Variants in KIF26B observed in about 807,000 individuals in gnomAD.
The protein encoded by KIF26B is kinesin family member 26B, also known as kinesin-like protein KIF26B.
Under a neutral mutation model 151.2 loss-of-function variants are expected in KIF26B, and 63 were observed. The ratio of observed to expected loss-of-function variants is 0.42; its 90% CI spans 0.34 to 0.51. The LOEUF (loss-of-function observed/expected upper bound fraction) is 0.51, where lower values mean the gene tolerates loss of function less well. Ranked by LOEUF, KIF26B falls within the 20% of genes least tolerant of loss-of-function variation. KIF26B has a pLI of 0.07. For missense variants in KIF26B, 2,813 were observed against 2,913.6 expected, an observed-to-expected ratio of 0.97 and a Z score of 0.79; for synonymous variants, 1,357 against 1,262.1, an observed-to-expected ratio of 1.08 and a Z score of -1.59.
chr1:245,507,843 C>T (rs573674893), intron 4 of KIF26B, among the ~76,000 whole-genome samples: 1 of 152,222 alleles, frequency 6.6e-6, no homozygotes, highest in African/African-American at 2.4e-5. Context: ...TTGACAACAA[C>T]CTTTGGTCCT....
intron 4 of KIF26B, among the ~76,000 whole-genome samples, chr1:245,464,582 C>T (rs1228709350): frequency 8.4e-6 from 1 of 118,546 alleles, no homozygotes; most frequent in African/African-American, 3.4e-5. Flanking sequence ...GGTGTGTGTG[C>T]ACGTGTGTGG....
chr1:245,172,920 G>A (rs565092710), intron 2 of KIF26B, among the ~76,000 whole-genome samples: 234 of 152,318 alleles, frequency 1.5e-3, no homozygotes, highest in African/African-American at 5.3e-3. Context: ...TGATGATACC[G>A]TGTAATACAT....
chr1:245,430,885 G>T (rs1427434006), intron 4 of KIF26B, among the ~76,000 whole-genome samples: 2 of 152,166 alleles, frequency 1.3e-5, no homozygotes, highest in Non-Finnish European at 2.9e-5. Context: ...TCCGAGCCAG[G>T]TGTCTGATTC....
intron 2 of KIF26B, among the ~76,000 whole-genome samples, chr1:245,282,194 C>T (rs952809920): frequency 7.2e-5 from 11 of 151,992 alleles, no homozygotes; most frequent in African/African-American, 2.7e-4. Flanking sequence ...GATTCAATGC[C>T]ATCCCCATGA....
chr1:245,696,833 G>C (rs761252551), intron 12 of KIF26B, among the ~76,000 whole-genome samples: 6 of 152,164 alleles, frequency 3.9e-5, no homozygotes, highest in Non-Finnish European at 8.8e-5. Context: ...GTTTTGGCCG[G>C]GCACAGTGGC....
chr1:245,383,069 A>G (rs1410505459), intron 3 of KIF26B, among the ~76,000 whole-genome samples: 1 of 151,098 alleles, frequency 6.6e-6, no homozygotes, highest in African/African-American at 2.4e-5. Flanking sequence ...AGAGAGAGAG[A>G]GAGGCAAACT....
chr1:245,457,658 T>C (rs1659565265), intron 4 of KIF26B, among the ~76,000 whole-genome samples: 2 of 152,362 alleles, frequency 1.3e-5, no homozygotes, highest in East Asian at 3.9e-4. Context: ...TGTGCTTTCA[T>C]GCTTTGATGA....
intron 9 of KIF26B, among the ~76,000 whole-genome samples, chr1:245,639,500 C>G (rs185164805): frequency 3.3e-5 from 5 of 151,306 alleles, no homozygotes; most frequent in Admixed American, 3.3e-4. Flanking sequence ...CATTTTTTTC[C>G]TACTAATTTT....
chr1:245,475,857 A>G (rs374141960), intron 4 of KIF26B, among the ~76,000 whole-genome samples: 3 of 151,890 alleles, frequency 2.0e-5, no homozygotes, highest in East Asian at 1.9e-4. Flanking sequence ...GCTGTTCCTC[A>G]AAAGCTTAAA....
intron 4 of KIF26B, among the ~76,000 whole-genome samples, chr1:245,504,660 C>T (rs371825424): frequency 1.3e-5 from 2 of 151,726 alleles, no homozygotes; most frequent in Admixed American, 1.3e-4. Context: ...AGGCTGGTCT[C>T]GAACTCCTTG....
chr1:245,266,814 AT>A (rs1411552447), intron 2 of KIF26B, among the ~76,000 whole-genome samples: 1 of 151,838 alleles, frequency 6.6e-6, no homozygotes, highest in Non-Finnish European at 1.5e-5. Flanking sequence ...CTGTTTTACC[AT>A]TTTCTAATTG....
At chr1:245,325,665 C>T (rs980625532) in intron 2 of KIF26B, among the ~76,000 whole-genome samples, 17 of 151,604 alleles carry the variant, frequency 1.1e-4, no homozygotes, top group African/African-American at 3.9e-4. Flanking sequence ...GAGCCAAGAT[C>T]GCATCGTTGC....
chr1:245,652,541 G>A (rs548383066), intron 10 of KIF26B, among the ~76,000 whole-genome samples: 4 of 152,150 alleles, frequency 2.6e-5, no homozygotes, highest in Non-Finnish European at 4.4e-5. Flanking sequence ...TAGAAATCTC[G>A]AGAGATTGTT....
At chr1:245,432,248 A>G (rs1430464555) in intron 4 of KIF26B, among the ~76,000 whole-genome samples, 1 of 152,096 alleles carries the variant, frequency 6.6e-6, no homozygotes, top group Non-Finnish European at 1.5e-5. Flanking sequence ...AAGTTTGCGA[A>G]TTTTCCCACT....
intron 2 of KIF26B, among the ~76,000 whole-genome samples, chr1:245,249,477 A>G (rs1466706278): frequency 7.0e-6 from 1 of 143,830 alleles, no homozygotes; most frequent in Non-Finnish European, 1.5e-5. Context: ...GTTTGTGCAT[A>G]TGTGTTAATC....
intron 2 of KIF26B, among the ~76,000 whole-genome samples, chr1:245,159,312 A>C (rs1445862191): frequency 1.3e-5 from 2 of 152,248 alleles, no homozygotes; most frequent in Non-Finnish European, 2.9e-5. Flanking sequence ...TAAAAGTCAA[A>C]AGCAGAATAG....
intron 2 of KIF26B, among the ~76,000 whole-genome samples, chr1:245,196,810 C>T (rs1669203845): frequency 1.3e-5 from 2 of 152,174 alleles, no homozygotes; most frequent in Non-Finnish European, 2.9e-5. Context: ...TGCCGGTCAC[C>T]TCAAATGGTT....
chr1:245,408,349 C>CTTTTTTTTTTTT (rs58724712), intron 3 of KIF26B, among the ~76,000 whole-genome samples: 1 of 113,332 alleles, frequency 8.8e-6, no homozygotes, highest in Non-Finnish European at 1.8e-5. Context: ...TTAAATGATT[C>CTTTTTTTTTTTT]TTTTTTTTTT....
intron 5 of KIF26B, among the ~76,000 whole-genome samples, chr1:245,543,904 C>T (rs1444947031): frequency 3.3e-5 from 5 of 151,988 alleles, no homozygotes; most frequent in South Asian, 4.2e-4. Context: ...GCAGAGATCG[C>T]GCCACTGTAC....
Sources: gnomAD v4.1 joint callset for allele counts (sites outside exome capture counted in the v4.1 genomes callset) on GRCh38, gnomAD v4.1.1 for gene constraint, MANE v1.5 for transcripts, NCBI Gene and HGNC (gene_info 2026-07-23, HGNC 2026-07-21) for gene names.